The following MDM4 variants were observed in gnomAD, a reference collection of about 807,000 sequenced individuals.
MDM4 encodes the protein MDM4 regulator of p53.
Under a neutral mutation model 60.2 loss-of-function variants are expected in MDM4, and 2 were observed. The observed-to-expected ratio is 0.03, with a 90% CI of 0.01 to 0.10. The LOEUF (loss-of-function observed/expected upper bound fraction) is 0.10. Among genes scored for constraint, MDM4 ranks in the 10% least tolerant of loss-of-function variants. The probability of loss-of-function intolerance (pLI) is 1.00; values close to 1 mark genes in which losing one functional copy is unlikely to be tolerated. For synonymous variants in MDM4, 202 were observed against 198.1 expected, an observed-to-expected ratio of 1.02 and a Z score of -0.17; for missense variants, 447 against 577.5, an observed-to-expected ratio of 0.77 and a Z score of 2.32.
At chr1:204,526,455 C>G (rs774890189) in intron 3 of MDM4, 21 bp downstream of exon 3, 8 of 1,513,794 alleles carry the variant, frequency 5.3e-6, no homozygotes, top group Admixed American at 3.9e-5. Context: ...AAATAAAATT[C>G]TCATTTTTTT....
intron 2 of MDM4, 23 bp downstream of exon 2, chr1:204,525,619 A>C (rs775840033): frequency 4.2e-6 from 6 of 1,440,540 alleles, no homozygotes. Context: ...CGGTATTTCT[A>C]GTTTTTTGGT....
rs189493992 is a variant in MDM4, at chr1:204,526,268, C to T, written c.79-92C>T. On this transcript the variant is annotated intron_variant, in intron 2 of 10. Coordinates refer to ENST00000367182, the MANE Select transcript of MDM4 (RefSeq NM_002393.5). Reference sequence around the variant, plus strand: ...AAGACCTTGCCTCAAAAAACAAAAGCGGGGGGAGCTGTTTAAAGAGGTTCT... The same window carrying T: ...AAGACCTTGCCTCAAAAAACAAAAGTGGGGGGAGCTGTTTAAAGAGGTTCT... 170 of 1,098,438 alleles carry T rather than the reference C, an allele frequency of 1.5e-4. 1 individual carries two copies. The highest frequency in any genetic ancestry group is 8.3e-4 in the Middle Eastern group (3 of 3,626). The allele number at this position is 1,098,438 out of a possible 1,614,324, so 68.0% of individuals were successfully genotyped here.
At chr1:204,543,012 G>T in intron 8 of MDM4, 68 bp downstream of exon 8, 1 of 1,287,994 alleles carries the variant, frequency 7.8e-7, no homozygotes, top group South Asian at 1.3e-5. Flanking sequence ...GGTTACTCTT[G>T]ACCACACATT....
At chr1:204,520,538 T>C (rs1558308404) in intron 1 of MDM4, among the ~76,000 whole-genome samples, 1 of 152,092 alleles carries the variant, frequency 6.6e-6, no homozygotes. Context: ...GGGGATATTA[T>C]CGTTAAATAT....
intron 10 of MDM4, among the ~76,000 whole-genome samples, chr1:204,547,447 C>A (rs1449109936): frequency 6.6e-6 from 1 of 152,128 alleles, no homozygotes; most frequent in Non-Finnish European, 1.5e-5. Flanking sequence ...TTTTTTGTTG[C>A]TATTTCCCCA....
At chr1:204,543,144 T>A (rs1357134828) in intron 8 of MDM4, among the ~76,000 whole-genome samples, 200 bp downstream of exon 8, 3 of 152,218 alleles carry the variant, frequency 2.0e-5, no homozygotes, top group Non-Finnish European at 2.9e-5. Flanking sequence ...AGTTTCCAGA[T>A]GCCTATTTAA....
At chr1:204,525,330 G>A (rs1660017268) in intron 1 of MDM4, 154 bp from the exon 2 acceptor site, 1 of 985,008 alleles carries the variant, frequency 1.0e-6, no homozygotes, top group Admixed American at 6.1e-5. Context: ...CAGAAGATAT[G>A]CAGAACCTCA....
rs1663334553 is a variant in MDM4 at position 204,552,960 on chromosome 1, C to G, written c.*3278C>G. 2 of 163,368 alleles carry G rather than the reference C, an allele frequency of 1.2e-5. No homozygotes were observed. Among genetic ancestry groups the G allele is most frequent in the South Asian group, 4.1e-4 (2 of 4,872 alleles). The allele number at this position is 163,368 out of a possible 1,614,324, so 10.1% of individuals were successfully genotyped here. On this transcript the variant is annotated 3_prime_UTR_variant, in exon 11 of 11. Coordinates refer to ENST00000367182, the MANE Select transcript of MDM4 (RefSeq NM_002393.5). ...GAGTGATCTCGGCTCACTGCAACCT[C>G]TGCCTCCCGGGTTCAAATGATTCTC...
At position 204,541,517 on chromosome 1, in the gene MDM4, A is replaced by G. The variant is rs1054145697; in HGVS notation, c.512-1267A>G. On this transcript the variant is annotated intron_variant, in intron 7 of 10. Transcript: ENST00000367182. ...TTGGGGGCAAGGGCAGGTATTTAAG[A>G]ATAGCCAACTCAAGGGGGGATATGT... 3.3e-5 allele frequency among the ~76,000 whole-genome samples: 5 copies of G among 152,168 alleles called. No homozygotes were observed. In the East Asian group the frequency reaches 7.7e-4, roughly 23 times the overall value.
At chr1:204,548,398 G>A (rs951929204) in intron 10 of MDM4, among the ~76,000 whole-genome samples, 7 of 152,164 alleles carry the variant, frequency 4.6e-5, no homozygotes, top group African/African-American at 1.7e-4. Context: ...ATCAAGTTCA[G>A]CTTATGTCAA....
chr1:204,529,116 T>G, intron 3 of MDM4: 1 of 1,232,242 alleles, frequency 8.1e-7, no homozygotes, highest in Non-Finnish European at 1.2e-6. Context: ...GTTGTCCCAG[T>G]CATAACTGCT....
rs12563844 is a variant in MDM4, at chr1:204,553,560, A to G, written c.*3878A>G. On this transcript the variant is annotated 3_prime_UTR_variant, in exon 11 of 11. Coordinates refer to ENST00000367182, the MANE Select transcript of MDM4 (RefSeq NM_002393.5). ...TGTCATTGGAGCTTGTTTCTGCTGC[A>G]ACGTGCTGTAGACTATGAATAATGA... The G allele has an allele frequency of 1.3e-5, 3 of 228,184 alleles. No individual in the cohort carries two copies. The East Asian group carries it at 1.9e-4, about 14-fold the overall frequency. 14.1% of individuals were successfully genotyped at this position (228,184 alleles called of 1,614,324 possible). A position where few individuals can be genotyped will look rare whatever the true frequency, so the allele number is the denominator to read the frequency against.
intron 8 of MDM4, among the ~76,000 whole-genome samples, chr1:204,543,545 A>ACTG (rs1430637093): frequency 6.6e-6 from 1 of 152,212 alleles, no homozygotes; most frequent in Non-Finnish European, 1.5e-5. Context: ...TTTCTGGAAC[A>ACTG]CTGTTCCCCC....
In MDM4 at chr1:204,553,648, A is replaced by G. The variant is rs1374718375; in HGVS notation, c.*3966A>G. The G allele has an allele frequency of 8.8e-6, 2 of 227,562 alleles. No homozygotes were observed. Among genetic ancestry groups the G allele is most frequent in the African/African-American group, 2.2e-5 (1 of 45,056 alleles). The allele number at this position is 227,562 out of a possible 1,614,324, so 14.1% of individuals were successfully genotyped here. ...TGTCAAATTAATATTTATGATTGTT[A>G]TCTTGGGCGAAAAGTTCAGAGCAGA... On this transcript the variant is annotated 3_prime_UTR_variant, in exon 11 of 11. Transcript: ENST00000367182.
rs1663200450 is a variant in MDM4, at chr1:204,551,470, T to C, written c.*1788T>C. The C allele has an allele frequency of 5.6e-6, 1 of 178,548 alleles. No homozygotes were observed. The highest frequency in any genetic ancestry group is 2.6e-5 in the African/African-American group (1 of 39,020). 11.1% of individuals were successfully genotyped at this position (178,548 alleles called of 1,614,324 possible). A position where few individuals can be genotyped will look rare whatever the true frequency, so the allele number is the denominator to read the frequency against. On this transcript the variant is annotated 3_prime_UTR_variant, in exon 11 of 11. Coordinates refer to ENST00000367182, the MANE Select transcript of MDM4 (RefSeq NM_002393.5). Reference sequence around the variant, plus strand: ...GGTTGAGAGGCAGCCTCTTTTTTTTTTTTTTTTTTTTTTTTTTTTTGGAGG... The same window carrying C: ...GGTTGAGAGGCAGCCTCTTTTTTTTCTTTTTTTTTTTTTTTTTTTTGGAGG...
At position 204,551,568 on chromosome 1, in the gene MDM4, A is replaced by G; in HGVS notation, c.*1886A>G. Reference sequence around the variant, plus strand: ...ATCTGAAGAGGCCTCATCAGAGCACATATTTTAGGACAACACATATGGAAA... The same window carrying G: ...ATCTGAAGAGGCCTCATCAGAGCACGTATTTTAGGACAACACATATGGAAA... On this transcript the variant is annotated 3_prime_UTR_variant, in exon 11 of 11. Transcript: ENST00000367182. 4.6e-6 allele frequency: 1 copy of G among 215,618 alleles called. No homozygotes were observed. Among genetic ancestry groups the G allele is most frequent in the Non-Finnish European group, 9.0e-6 (1 of 110,990 alleles). 13.4% of individuals were successfully genotyped at this position (215,618 alleles called of 1,614,324 possible). A position where few individuals can be genotyped will look rare whatever the true frequency, so the allele number is the denominator to read the frequency against.
chr1:204,548,694 A>G (rs1234313088), intron 10 of MDM4, among the ~76,000 whole-genome samples: 4 of 152,106 alleles, frequency 2.6e-5, no homozygotes, highest in Non-Finnish European at 5.9e-5. Flanking sequence ...CTTTTTTGCC[A>G]AACTTTATAA....
rs971514984 is a variant in MDM4, at chr1:204,556,143, A to C, written c.*6461A>C. The stretch of plus-strand genomic sequence containing the variant: ...TTTACTGTGTCATTTATATCCCCTT[A>C]GTTCCAAAGTTAATTATCTTATTTC... On this transcript the variant is annotated 3_prime_UTR_variant, in exon 11 of 11. Coordinates refer to ENST00000367182, the MANE Select transcript of MDM4 (RefSeq NM_002393.5). 2 of 223,660 alleles carry C rather than the reference A, an allele frequency of 8.9e-6. No individual in the cohort carries two copies. The highest frequency in any genetic ancestry group is 4.5e-5 in the African/African-American group (2 of 44,772). The allele number at this position is 223,660 out of a possible 1,614,324, so 13.9% of individuals were successfully genotyped here. A position where few individuals can be genotyped will look rare whatever the true frequency, so the allele number is the denominator to read the frequency against.
intron 4 of MDM4, among the ~76,000 whole-genome samples, chr1:204,531,843 A>AC (rs1429476134): frequency 6.6e-6 from 1 of 152,038 alleles, no homozygotes; most frequent in African/African-American, 2.4e-5. Flanking sequence ...CAAAAAAAAA[A>AC]GACTCCCCTC....
Sources: gnomAD v4.1 joint callset for allele counts (sites outside exome capture counted in the v4.1 genomes callset) on GRCh38, gnomAD v4.1.1 for gene constraint, MANE v1.5 for transcripts, NCBI Gene and HGNC (gene_info 2026-07-23, HGNC 2026-07-21) for gene names.